Variants in RNF207 observed in about 807,000 individuals in gnomAD.
RNF207 encodes OTTHUMG00000001089.
Under a neutral mutation model 79.0 loss-of-function variants are expected in RNF207, and 72 were observed. The ratio of observed to expected loss-of-function variants is 0.91; its 90% CI spans 0.75 to 1.11. RNF207 has a LOEUF of 1.11. Among genes scored for constraint, RNF207 ranks in the 50% least tolerant of loss-of-function variants. RNF207 has a pLI of 0.00. For missense variants in RNF207, 936 were observed against 855.8 expected (o/e 1.09, Z -1.17); for synonymous variants, 348 against 366.2 (o/e 0.95, Z 0.57).
intron 16 of RNF207, among the ~76,000 whole-genome samples, chr1:6,216,686 G>A (rs1178588997): frequency 2.0e-5 from 3 of 150,378 alleles, no homozygotes; most frequent in African/African-American, 7.4e-5. Flanking sequence ...TCGCCCTCAC[G>A]AGTAGCTGGG....
In RNF207 at chr1:6,207,237, A is replaced by G; in HGVS notation, c.192-142A>G. The G allele has an allele frequency of 1.2e-6, 1 of 804,208 alleles. No homozygotes were observed. The allele number at this position is 804,208 out of a possible 1,614,324, so 49.8% of individuals were successfully genotyped here. On this transcript the variant is annotated intron_variant, in intron 2 of 17. Transcript: ENST00000377939. The surrounding 1 kb of genome is among the most constrained non-coding windows in gnomAD (Gnocchi z 4.5). ...CAGGGCAGGGTGAGTGCTGGCTGTGATATTTATAGCAGACCCCAGAGCTGT... is the reference window on the plus strand; with the variant it reads ...CAGGGCAGGGTGAGTGCTGGCTGTGGTATTTATAGCAGACCCCAGAGCTGT...
chr1:6,212,054 G>C lies in RNF207; in HGVS notation c.1296+1G>C, dbSNP rs768138127. The C allele has an allele frequency of 1.9e-6, 3 of 1,594,630 alleles. No individual in the cohort carries two copies. Among genetic ancestry groups the C allele is most frequent in the South Asian group, 2.2e-5 (2 of 89,116 alleles). On this transcript the variant is annotated splice_donor_variant, in intron 13 of 17. Transcript: ENST00000377939. LOFTEE classifies it high-confidence loss of function. Reference sequence around the variant, plus strand: ...CCGCCACTATGAGGACTCCTACCGGGTGAGGGGGCAGGGATCTGCCGGAGG... The same window carrying C: ...CCGCCACTATGAGGACTCCTACCGGCTGAGGGGGCAGGGATCTGCCGGAGG...
In RNF207 at chr1:6,208,888, A is replaced by G; in HGVS notation, c.332A>G (p.Glu111Gly). 6.5e-7 allele frequency: 1 copy of G among 1,529,708 alleles called. No individual in the cohort carries two copies. The highest frequency in any genetic ancestry group is 8.7e-7 in the Non-Finnish European group (1 of 1,143,456). 94.8% of individuals were successfully genotyped at this position (1,529,708 alleles called of 1,614,324 possible). Residue 111 changes from glutamate to glycine, a missense_variant, in exon 4 of 18, where the codon GAG (glutamate) becomes GGG (glycine). Physicochemically the swap from Glu to Gly is moderately conservative, Grantham distance 98 (BLOSUM62 -2). Transcript: ENST00000377939. ...CCCGCGCTCGGCCCGCAGGACGTGG[A>G]GACCACGTACTTCTGCAACACGTGC... is the stretch of plus-strand genomic sequence containing the variant. ...CDLECSEQDV[E>G]TTYFCNTCGQ...
At chr1:6,219,097 C>G (rs1165349515) in intron 17 of RNF207, 139 bp from the exon 18 acceptor site, 1 of 674,736 alleles carries the variant, frequency 1.5e-6, no homozygotes, top group Non-Finnish European at 2.5e-6. Flanking sequence ...CTTTTGGAGA[C>G]AGAGCCTTCC....
intron 14 of RNF207, 58 bp downstream of exon 14, chr1:6,212,474 C>A: frequency 6.7e-7 from 1 of 1,501,926 alleles, no homozygotes; most frequent in Non-Finnish European, 9.1e-7. Flanking sequence ...CCTGGGCTAC[C>A]CTAAGACAGT....
At position 6,212,044 on chromosome 1, in the gene RNF207, C is replaced by T. The variant is rs757796440; in HGVS notation, c.1287C>T (p.Asp429=). The change falls in exon 13 of 18, where the codon GAC becomes GAT. Residue 429 remains aspartate (D), a synonymous_variant. Transcript: ENST00000377939. ...PFAEHCRHYE[D]SYRHLQAEMQ... is the part of the protein sequence containing the mutation. ...CAGAGCACTGCCGCCACTATGAGGA[C>T]TCCTACCGGGTGAGGGGGCAGGGAT... The T allele has an allele frequency of 6.3e-7, 1 of 1,599,888 alleles. No individual in the cohort carries two copies. Among genetic ancestry groups the T allele is most frequent in the South Asian group, 1.1e-5 (1 of 89,246 alleles).
In RNF207 at chr1:6,218,329, A is replaced by T. The variant is rs768766582; in HGVS notation, c.1693A>T (p.Asn565Tyr). ...PVDEQSESLQNTHDDSRNNAA... is the reference protein window; with the variant it reads ...PVDEQSESLQYTHDDSRNNAA... ...GGATGAGCAGTCAGAGAGTCTACAG[A>T]ACACGCACGACGACAGCAGGAACAA... The change falls in exon 17 of 18, where the codon AAC becomes TAC. Residue 565 changes from asparagine to tyrosine, a missense_variant. Asn to Tyr is a moderately radical substitution (Grantham distance 143). Coordinates refer to ENST00000377939, the MANE Select transcript of RNF207 (RefSeq NM_207396.3). 21 of 1,614,022 alleles carry T rather than the reference A, an allele frequency of 1.3e-5. No individual in the cohort carries two copies. The highest frequency in any genetic ancestry group is 1.7e-5 in the Non-Finnish European group (20 of 1,179,992).
chr1:6,207,641 C>A lies in RNF207; in HGVS notation c.324+130C>A. 1 of 1,059,514 alleles carries A rather than the reference C, an allele frequency of 9.4e-7. No individual in the cohort carries two copies. The highest frequency in any genetic ancestry group is 1.4e-6 in the Non-Finnish European group (1 of 710,840). 65.6% of individuals were successfully genotyped at this position (1,059,514 alleles called of 1,614,324 possible). A position where few individuals can be genotyped will look rare whatever the true frequency, so the allele number is the denominator to read the frequency against. ...TGGATTCTCCAGCACCTCCCTAGGG[C>A]ACCTTGGCCCCAAATGTGAACCCCA... is the stretch of plus-strand genomic sequence containing the variant. On this transcript the variant is annotated intron_variant, in intron 3 of 17. Transcript: ENST00000377939. The surrounding 1 kb of genome is among the most constrained non-coding windows in gnomAD (Gnocchi z 4.5).
intron 16 of RNF207, 33 bp from the exon 17 acceptor site, chr1:6,218,256 C>G (rs1487502937): frequency 6.5e-7 from 1 of 1,539,340 alleles, no homozygotes; most frequent in East Asian, 2.2e-5. Flanking sequence ...TGGCTCTGCT[C>G]CCTTGAGATT....
At chr1:6,209,225 G>T (rs749519348) in intron 5 of RNF207, 29 bp downstream of exon 5, 51 of 1,550,008 alleles carry the variant, frequency 3.3e-5, no homozygotes, top group Non-Finnish European at 4.4e-5. Context: ...AGGGGAGGGG[G>T]CTGGGGGCCG....
rs1668153247 is a variant in RNF207 at position 6,211,194 on chromosome 1, A to T, written c.1109+76A>T. The T allele has an allele frequency of 3.0e-6, 3 of 1,008,340 alleles. No individual in the cohort carries two copies. The highest frequency in any genetic ancestry group is 4.3e-6 in the Non-Finnish European group (3 of 692,234). The allele number at this position is 1,008,340 out of a possible 1,614,324, so 62.5% of individuals were successfully genotyped here. A position where few individuals can be genotyped will look rare whatever the true frequency, so the allele number is the denominator to read the frequency against. ...GGGGGAGGGTGGGCGCTGAGGGGCCAGATCGCCAGCAAGAAGCCAGGTGCC... is the reference window on the plus strand; with the variant it reads ...GGGGGAGGGTGGGCGCTGAGGGGCCTGATCGCCAGCAAGAAGCCAGGTGCC... On this transcript the variant is annotated intron_variant, in intron 12 of 17. Transcript: ENST00000377939. The surrounding 1 kb of genome is among the most constrained non-coding windows in gnomAD (Gnocchi z 4.2).
Position 6,210,233 on chromosome 1 carries a change from G to A in RNF207, c.811G>A (p.Glu271Lys), listed in dbSNP as rs200803461. The A allele has an allele frequency of 2.7e-5, 43 of 1,613,338 alleles. No homozygotes were observed. In the African/African-American group the frequency reaches 5.1e-4, roughly 19 times the overall value. ...GCCCCCCTCCCCCAGCCAATACGAA[G>A]AGAAGGACAAGGCCTTCAAGGAGCA... ...LLQAVQSQYE[E>K]KDKAFKEQLS... is the part of the protein sequence containing the mutation. The change falls in exon 9 of 18, where the codon GAG becomes AAG. Residue 271 changes from glutamate (E) to lysine (K), a missense_variant. Physicochemically the swap from Glu to Lys is moderately conservative, Grantham distance 56. Transcript: ENST00000377939.
In RNF207 at chr1:6,212,380, C is replaced by G. The variant is rs372120591; in HGVS notation, c.1446C>G (p.His482Gln). 1.2e-6 allele frequency: 2 copies of G among 1,613,136 alleles called. No homozygotes were observed. The highest frequency in any genetic ancestry group is 2.7e-5 in the African/African-American group (2 of 74,900). Residue 482 changes from histidine (H) to glutamine (Q), a missense_variant, in exon 14 of 18, where the codon CAC becomes CAG. Coordinates refer to ENST00000377939, the MANE Select transcript of RNF207 (RefSeq NM_207396.3). The part of the protein sequence containing the change: ...LQLDVQIASE[H>Q]ASLEGMRVVF... ...TGGACGTGCAGATCGCCTCGGAGCA[C>G]GCCTCCTTAGAGGGCATGAGGGTCG...
At chr1:6,210,808 C>T in intron 10 of RNF207, 62 bp from the exon 11 acceptor site, 15 of 1,432,266 alleles carry the variant, frequency 1.0e-5, no homozygotes, top group Non-Finnish European at 1.4e-5. Flanking sequence ...CCTCCATCTC[C>T]CCTCTTCCTG....
At position 6,208,785 on chromosome 1, in the gene RNF207, G is replaced by A. The variant is rs913734778; in HGVS notation, c.325-96G>A. 28 of 1,328,956 alleles carry A rather than the reference G, an allele frequency of 2.1e-5. No homozygotes were observed. The Admixed American group carries it at 6.9e-4, about 33-fold the overall frequency. 82.3% of individuals were successfully genotyped at this position (1,328,956 alleles called of 1,614,324 possible). A position where few individuals can be genotyped will look rare whatever the true frequency, so the allele number is the denominator to read the frequency against. ...GCGTTTAGCTGCGCACCCGGCCACG[G>A]CTGGGACAAACACGCGCAGTGACAC... On this transcript the variant is annotated intron_variant, in intron 3 of 17. Transcript: ENST00000377939.
intron 3 of RNF207, 27 bp from the exon 4 acceptor site, chr1:6,208,854 G>C: frequency 6.6e-7 from 1 of 1,517,738 alleles, no homozygotes. Context: ...GGGCTCTGGC[G>C]CTCCTGAGCC....
rs567614508 is a variant in RNF207 at position 6,209,287 on chromosome 1, G to C, written c.571G>C (p.Val191Leu). The C allele has an allele frequency of 1.9e-6, 3 of 1,548,810 alleles. No individual in the cohort carries two copies. Among genetic ancestry groups the C allele is most frequent in the South Asian group, 1.2e-5 (1 of 84,040 alleles). Residue 191 changes from valine to leucine, a missense_variant, in exon 6 of 18, where the codon GTG (valine) becomes CTG (leucine). By Grantham distance (32) the Val-to-Leu change is conservative (BLOSUM62 1). Transcript: ENST00000377939. ...DMQKESRAHC[V>L]DLESAYVQGC... Reference sequence around the variant, plus strand: ...CTGCAGGGAGAGCCGGGCACACTGCGTGGACCTGGAATCGGCTTACGTGCA... The same window carrying C: ...CTGCAGGGAGAGCCGGGCACACTGCCTGGACCTGGAATCGGCTTACGTGCA...
At chr1:6,214,626 C>CTTTTTTTTTTTT (rs1553148919) in intron 16 of RNF207, among the ~76,000 whole-genome samples, 1 of 95,608 alleles carries the variant, frequency 1.0e-5, no homozygotes, top group African/African-American at 5.9e-5. Flanking sequence ...TGGAATATTT[C>CTTTTTTTTTTTT]TTTCTTTTTT....
At position 6,217,849 on chromosome 1, in the gene RNF207, C is replaced by G. The variant is rs1164044818; in HGVS notation, c.1653-440C>G. Among the ~76,000 whole-genome samples the G allele has an allele frequency of 6.6e-6, 1 of 152,210 alleles. No individual in the cohort carries two copies. The highest frequency in any genetic ancestry group is 1.5e-5 in the Non-Finnish European group (1 of 68,044). On this transcript the variant is annotated intron_variant, in intron 16 of 17. Coordinates refer to ENST00000377939, the MANE Select transcript of RNF207 (RefSeq NM_207396.3). This position sits in a 1 kb window ranked among gnomAD's most constrained non-coding sequence, Gnocchi z 4.2. Reference sequence around the variant, plus strand: ...TGTGCACCTGTGACCGTGTCTGCCCCTCATAACACCCTAGTCACAATGCCC... The same window carrying G: ...TGTGCACCTGTGACCGTGTCTGCCCGTCATAACACCCTAGTCACAATGCCC...
Sources: allele counts gnomAD v4.1 joint callset (sites outside exome capture counted in the v4.1 genomes callset), GRCh38; gene constraint gnomAD v4.1.1; non-coding constraint Gnocchi (gnomAD v3.1); transcripts MANE v1.5; gene names NCBI Gene and HGNC (gene_info 2026-07-23, HGNC 2026-07-21).